Variants in CCDC149 observed in about 807,000 individuals in gnomAD.
CCDC149 encodes the protein coiled-coil domain containing 149, also known as coiled-coil domain-containing protein 149.
CCDC149 carries 45 observed loss-of-function variants against 59.9 expected under a neutral mutation model. The observed-to-expected ratio is 0.75, with a 90% CI of 0.59 to 0.96. The LOEUF is 0.96. Ranked by LOEUF, CCDC149 falls within the 40% of genes least tolerant of loss-of-function variation. The pLI, the probability that CCDC149 is intolerant of heterozygous loss-of-function variation, is 0.00. For missense variants in CCDC149, 584 were observed against 664.7 expected (o/e 0.88, Z 1.33); for synonymous variants, 245 against 260.6 (o/e 0.94, Z 0.58).
chr4:24,951,744 C>A (rs1723298158), intron 1 of CCDC149, among the ~76,000 whole-genome samples: 1 of 152,140 alleles, frequency 6.6e-6, no homozygotes. Flanking sequence ...GAGAAAGCAG[C>A]ATTTTGTGTG....
chr4:24,880,381 C>A (rs762689035), intron 1 of CCDC149, among the ~76,000 whole-genome samples: 2 of 152,162 alleles, frequency 1.3e-5, no homozygotes, highest in Admixed American at 6.5e-5. Context: ...AATCGCCTAG[C>A]GGCACACTTC....
chr4:24,820,839 G>T (rs951071097), intron 11 of CCDC149, among the ~76,000 whole-genome samples: 5 of 152,016 alleles, frequency 3.3e-5, no homozygotes, highest in African/African-American at 1.2e-4. Flanking sequence ...GAACAAACAG[G>T]GCCACAGCAT....
chr4:24,854,885 C>T (rs993556703), intron 3 of CCDC149, among the ~76,000 whole-genome samples: 5 of 152,144 alleles, frequency 3.3e-5, no homozygotes, highest in Non-Finnish European at 7.4e-5. Flanking sequence ...TGGTTCACTT[C>T]CTCACCTCCT....
At chr4:24,973,360 G>A (rs1032267088) in intron 1 of CCDC149, among the ~76,000 whole-genome samples, 4 of 152,178 alleles carry the variant, frequency 2.6e-5, no homozygotes, top group African/African-American at 4.8e-5. Context: ...GACTCTTTGT[G>A]TCGACATGGT....
intron 9 of CCDC149, chr4:24,827,559 C>T (rs909139176): frequency 6.6e-6 from 1 of 152,242 alleles, no homozygotes; most frequent in Admixed American, 6.5e-5. Flanking sequence ...TGAAATGGCC[C>T]TTGAACAACC....
chr4:24,885,337 TGAGAA>T (rs1278530080), intron 1 of CCDC149, among the ~76,000 whole-genome samples: 1 of 152,160 alleles, frequency 6.6e-6, no homozygotes, highest in Non-Finnish European at 1.5e-5. Context: ...CTGCCAAGCT[TGAGAA>T]GAGAAGAGAA....
chr4:24,920,647 T>C (rs1382939288), intron 1 of CCDC149, among the ~76,000 whole-genome samples: 1 of 152,210 alleles, frequency 6.6e-6, no homozygotes, highest in Non-Finnish European at 1.5e-5. Flanking sequence ...CATGTCTGTA[T>C]AGGAAGGGAA....
intron 3 of CCDC149, among the ~76,000 whole-genome samples, chr4:24,869,603 T>C (rs549662845): frequency 6.6e-6 from 1 of 152,252 alleles, no homozygotes; most frequent in East Asian, 1.9e-4. Context: ...AAAAAAGAGA[T>C]GACAAGGAGG....
At chr4:24,915,667 G>A (rs1296817584), upstream of CCDC149, among the ~76,000 whole-genome samples, 1 of 152,172 alleles carries the variant, frequency 6.6e-6, no homozygotes, top group Non-Finnish European at 1.5e-5. Context: ...CCAGCATGTG[G>A]GGAGACTTTC....
chr4:24,886,554 TG>T (rs1720188691), intron 1 of CCDC149, among the ~76,000 whole-genome samples: 1 of 152,356 alleles, frequency 6.6e-6, no homozygotes, highest in South Asian at 2.1e-4. Flanking sequence ...AAATGAATGC[TG>T]GGAAGTGAGA....
intron 3 of CCDC149, among the ~76,000 whole-genome samples, chr4:24,869,802 A>G (rs934994506): frequency 6.6e-6 from 1 of 152,222 alleles, no homozygotes; most frequent in Non-Finnish European, 1.5e-5. Context: ...GAGACTCAAG[A>G]CACTCAAAGG....
chr4:24,917,330 C>A (rs1031754654), upstream of CCDC149, among the ~76,000 whole-genome samples: 2 of 152,236 alleles, frequency 1.3e-5, no homozygotes, highest in African/African-American at 2.4e-5. Context: ...AAGGAAGTTG[C>A]ACTCCCTGCT....
rs1714305326 is a variant in CCDC149 at position 24,807,818 on chromosome 4, A to C, written c.*571T>G. 6.6e-6 allele frequency: 1 copy of C among 152,308 alleles called. No individual in the cohort carries two copies. Among genetic ancestry groups the C allele is most frequent in the African/African-American group, 2.4e-5 (1 of 41,468 alleles). The allele number at this position is 152,308 out of a possible 1,614,324, so 9.4% of individuals were successfully genotyped here. A position where few individuals can be genotyped will look rare whatever the true frequency, so the allele number is the denominator to read the frequency against. Reference sequence around the variant, plus strand: ...CGGCTTAAGGCCCCTTCCAACTGCCAGTCTGTACCACGACAGCAGTGCTGT... The same window carrying C: ...CGGCTTAAGGCCCCTTCCAACTGCCCGTCTGTACCACGACAGCAGTGCTGT... On this transcript the variant is annotated 3_prime_UTR_variant, in exon 13 of 13. Coordinates refer to ENST00000635206, the MANE Select transcript of CCDC149 (RefSeq NM_001330643.2).
chr4:24,866,284 C>T (rs1460921317), intron 3 of CCDC149, among the ~76,000 whole-genome samples: 3 of 152,080 alleles, frequency 2.0e-5, no homozygotes, highest in Admixed American at 2.0e-4. Flanking sequence ...ATGAGAGATA[C>T]CTTTCGTGGT....
chr4:24,966,350 C>A (rs144099947), intron 1 of CCDC149, among the ~76,000 whole-genome samples: 1 of 152,126 alleles, frequency 6.6e-6, no homozygotes, highest in Non-Finnish European at 1.5e-5. Flanking sequence ...AGATGATGAA[C>A]GTGTCACCTC....
At chr4:24,826,554 G>A (rs1231553910) in intron 9 of CCDC149, among the ~76,000 whole-genome samples, 1 of 152,166 alleles carries the variant, frequency 6.6e-6, no homozygotes, top group African/African-American at 2.4e-5. Flanking sequence ...GGGGAGCAGA[G>A]CCAGCAGCTC....
chr4:24,833,703 T>A (rs571326034), intron 8 of CCDC149, among the ~76,000 whole-genome samples: 2 of 152,366 alleles, frequency 1.3e-5, no homozygotes, highest in South Asian at 4.1e-4. Flanking sequence ...CTGCTGGACA[T>A]TTATTGTGTT....
intron 3 of CCDC149, among the ~76,000 whole-genome samples, chr4:24,862,746 G>A (rs1055651762): frequency 1.3e-5 from 2 of 151,940 alleles, no homozygotes; most frequent in African/African-American, 2.4e-5. Flanking sequence ...ATATTTCCTG[G>A]TTGCTTTCCC....
intron 10 of CCDC149, 37 bp from the exon 11 acceptor site, chr4:24,821,124 T>C: frequency 8.4e-7 from 1 of 1,188,990 alleles, no homozygotes; most frequent in Non-Finnish European, 1.1e-6. Context: ...AAATAATTGT[T>C]ATTGCATAAT....
Sources: gnomAD v4.1 joint callset for allele counts (sites outside exome capture counted in the v4.1 genomes callset) on GRCh38, gnomAD v4.1.1 for gene constraint, MANE v1.5 for transcripts, NCBI Gene and HGNC (gene_info 2026-07-23, HGNC 2026-07-21) for gene names.